PTPRN2: variants seen among roughly 807,000 people sequenced by gnomAD.
The protein encoded by PTPRN2 is receptor-type tyrosine-protein phosphatase N2.
Under a neutral mutation model 118.8 loss-of-function variants are expected in PTPRN2, and 74 were observed. The observed-to-expected ratio is 0.62, with a 90% confidence interval of 0.52 to 0.76. PTPRN2 has a LOEUF of 0.76. Among genes scored for constraint, PTPRN2 ranks in the 30% least tolerant of loss-of-function variants. The pLI, the probability that PTPRN2 is intolerant of heterozygous loss-of-function variation, is 0.00. For missense variants in PTPRN2, 1,481 were observed against 1,394.4 expected (o/e 1.06, Z -0.99); for synonymous variants, 641 against 608.0 (o/e 1.05, Z -0.80).
intron 11 of PTPRN2, among the ~76,000 whole-genome samples, chr7:157,946,563 G>A (rs1172324637): frequency 6.6e-6 from 1 of 152,232 alleles, no homozygotes; most frequent in Non-Finnish European, 1.5e-5. Context: ...ACGTAAGCTT[G>A]CAGGAACAGG....
At chr7:158,445,437 G>A (rs1024148019) in intron 2 of PTPRN2, among the ~76,000 whole-genome samples, 13 of 152,260 alleles carry the variant, frequency 8.5e-5, no homozygotes, top group East Asian at 1.9e-4. Flanking sequence ...AGGTGGTGCC[G>A]TCCCTGAGTG....
intron 12 of PTPRN2, among the ~76,000 whole-genome samples, chr7:157,795,476 G>A (rs760820878): frequency 6.6e-6 from 1 of 152,252 alleles, no homozygotes; most frequent in Non-Finnish European, 1.5e-5. Flanking sequence ...TTCCCAAGGT[G>A]CTGTCTATCT....
intron 12 of PTPRN2, among the ~76,000 whole-genome samples, chr7:157,895,839 C>T (rs1797078634): frequency 6.6e-6 from 1 of 152,084 alleles, no homozygotes; most frequent in Admixed American, 6.5e-5. Flanking sequence ...ACTCTGCCAC[C>T]CCAGAAACCT....
At chr7:158,149,945 G>C (rs529411561) in intron 6 of PTPRN2, among the ~76,000 whole-genome samples, 1 of 152,068 alleles carries the variant, frequency 6.6e-6, no homozygotes, top group Admixed American at 6.6e-5. Flanking sequence ...TAAAACATAT[G>C]AAAAATAAAA....
chr7:158,578,625 T>C (rs963067864), intron 1 of PTPRN2, among the ~76,000 whole-genome samples: 2 of 151,952 alleles, frequency 1.3e-5, no homozygotes, highest in Admixed American at 6.6e-5. Context: ...CTGTTGGGTT[T>C]ATGATGATCC....
chr7:157,991,916 C>T (rs1166650637), intron 11 of PTPRN2, among the ~76,000 whole-genome samples: 1 of 151,958 alleles, frequency 6.6e-6, no homozygotes, highest in Non-Finnish European at 1.5e-5. Context: ...CAGCATCGGT[C>T]ACAGCCCGTG....
chr7:158,522,385 C>T (rs1257917781), intron 1 of PTPRN2, among the ~76,000 whole-genome samples: 1 of 143,282 alleles, frequency 7.0e-6, no homozygotes, highest in African/African-American at 2.6e-5. Flanking sequence ...GAGGGAGGTC[C>T]ACGTCACAAT....
At chr7:157,694,466 C>T (rs2150843898) in intron 12 of PTPRN2, among the ~76,000 whole-genome samples, 1 of 152,326 alleles carries the variant, frequency 6.6e-6, no homozygotes, top group Admixed American at 6.5e-5. Flanking sequence ...GGCTGCAGAA[C>T]TGGCCTCGCC....
chr7:158,086,112 C>T (rs569800331), intron 10 of PTPRN2, among the ~76,000 whole-genome samples: 88 of 152,330 alleles, frequency 5.8e-4, no homozygotes, highest in Middle Eastern at 6.8e-3. Context: ...CTCCACCAGG[C>T]GCTCCTTACA....
At chr7:158,203,983 A>C (rs762590295) in intron 4 of PTPRN2, among the ~76,000 whole-genome samples, 11 of 143,134 alleles carry the variant, frequency 7.7e-5, no homozygotes, top group African/African-American at 2.1e-4. Flanking sequence ...CCCTAACCTC[A>C]GTGTGCGCCA....
intron 11 of PTPRN2, among the ~76,000 whole-genome samples, chr7:157,983,959 TGAG>T (rs1237726686): frequency 6.6e-6 from 1 of 152,092 alleles, no homozygotes. Flanking sequence ...CTGGAATCCC[TGAG>T]GAGGAGCCGG....
chr7:158,085,340 ACC>A (rs1813248466), intron 10 of PTPRN2, among the ~76,000 whole-genome samples: 1 of 99,196 alleles, frequency 1.0e-5, no homozygotes, highest in East Asian at 3.3e-4. Context: ...GCCCATCCAC[ACC>A]CATGACGCCC....
intron 3 of PTPRN2, among the ~76,000 whole-genome samples, chr7:158,227,348 G>A (rs962233659): frequency 2.0e-5 from 3 of 152,130 alleles, no homozygotes; most frequent in Non-Finnish European, 2.9e-5. Flanking sequence ...CATTTCAAAC[G>A]CGGTAATACT....
chr7:157,745,291 T>C (rs895532847), intron 12 of PTPRN2, among the ~76,000 whole-genome samples: 1 of 152,124 alleles, frequency 6.6e-6, no homozygotes, highest in Non-Finnish European at 1.5e-5. Flanking sequence ...ATCCAGCCAG[T>C]GATCTGCTGG....
chr7:157,762,159 G>A (rs1369106464), intron 12 of PTPRN2, among the ~76,000 whole-genome samples: 1 of 152,106 alleles, frequency 6.6e-6, no homozygotes, highest in South Asian at 2.1e-4. Flanking sequence ...CTGCAAACTA[G>A]TTCAACCATT....
chr7:158,124,227 G>A (rs1182419842), intron 9 of PTPRN2, among the ~76,000 whole-genome samples: 1 of 152,226 alleles, frequency 6.6e-6, no homozygotes, highest in Non-Finnish European at 1.5e-5. Context: ...TGCCGCCAAT[G>A]CCAACGGTCC....
intron 11 of PTPRN2, among the ~76,000 whole-genome samples, chr7:157,935,194 G>A (rs1488476974): frequency 6.6e-6 from 1 of 152,144 alleles, no homozygotes; most frequent in Non-Finnish European, 1.5e-5. Context: ...GTGGAGGGTG[G>A]GTAGGGTTGC....
At chr7:158,309,713 G>A (rs967874926) in intron 3 of PTPRN2, among the ~76,000 whole-genome samples, 3 of 152,150 alleles carry the variant, frequency 2.0e-5, no homozygotes, top group Non-Finnish European at 4.4e-5. Context: ...GGTCAAGTAA[G>A]ACTTATCCCA....
At chr7:158,067,315 G>A (rs1380737942) in intron 11 of PTPRN2, among the ~76,000 whole-genome samples, 1 of 152,248 alleles carries the variant, frequency 6.6e-6, no homozygotes, top group Non-Finnish European at 1.5e-5. Flanking sequence ...GCTCCGGCCA[G>A]CAGGCATTTG....
Sources: gnomAD v4.1 joint callset for allele counts (sites outside exome capture counted in the v4.1 genomes callset) on GRCh38, gnomAD v4.1.1 for gene constraint, MANE v1.5 for transcripts, NCBI Gene and HGNC (gene_info 2026-07-23, HGNC 2026-07-21) for gene names.